The following TUSC3 variants were observed in gnomAD, a reference collection of about 807,000 sequenced individuals.
TUSC3 encodes the protein dolichyl-diphosphooligosaccharide--protein glycosyltransferase subunit TUSC3.
A neutral mutation model predicts 44.8 loss-of-function variants in TUSC3; 45 were observed. The ratio of observed to expected loss-of-function variants is 1.00; its 90% CI spans 0.79 to 1.29. The LOEUF (loss-of-function observed/expected upper bound fraction) is 1.29, where lower values mean the gene tolerates loss of function less well. TUSC3 is among the 50% of genes most tolerant of loss of function. TUSC3 has a pLI of 0.00. For missense variants in TUSC3, 519 were observed against 437.9 expected (o/e 1.19, Z -1.65); for synonymous variants, 212 against 152.9 (o/e 1.39, Z -2.85).
chr8:15,654,952 T>G (rs997423561), intron 3 of TUSC3, among the ~76,000 whole-genome samples: 1 of 152,198 alleles, frequency 6.6e-6, no homozygotes, highest in East Asian at 1.9e-4. Flanking sequence ...GGTAAATCAC[T>G]TTATTTTTAT....
chr8:15,781,422 A>T, the TUSC3 span, among the ~76,000 whole-genome samples: 1,302 of 152,290 alleles, frequency 8.5e-3, 23 homozygotes, highest in African/African-American at 0.03. Flanking sequence ...AGAGACCCAC[A>T]CTGAGATATA....
intron 2 of TUSC3, among the ~76,000 whole-genome samples, chr8:15,494,544 C>G (rs571457299): frequency 6.6e-6 from 1 of 152,266 alleles, no homozygotes; most frequent in East Asian, 1.9e-4. Flanking sequence ...GTCTCAATCT[C>G]TTGACGTCGT....
intron 1 of TUSC3, among the ~76,000 whole-genome samples, chr8:15,582,147 A>T (rs573139443): frequency 6.6e-6 from 1 of 152,192 alleles, no homozygotes; most frequent in African/African-American, 2.4e-5. Context: ...AAGTGAGGCA[A>T]TGCCTCGCCC....
At chr8:15,479,599 T>G (rs955837909) in intron 1 of TUSC3, among the ~76,000 whole-genome samples, 1 of 152,194 alleles carries the variant, frequency 6.6e-6, no homozygotes, top group Non-Finnish European at 1.5e-5. Context: ...GTTGTAGATA[T>G]GTGTTCTTAT....
intron 6 of TUSC3, among the ~76,000 whole-genome samples, chr8:15,682,468 T>G (rs558168487): frequency 1.6e-4 from 24 of 152,304 alleles, no homozygotes; most frequent in African/African-American, 5.8e-4. Flanking sequence ...CACTTTTATC[T>G]CGTGTAAGTA....
intron 4 of TUSC3, among the ~76,000 whole-genome samples, chr8:15,661,382 A>C (rs1439735872): frequency 6.6e-6 from 1 of 151,972 alleles, no homozygotes; most frequent in Non-Finnish European, 1.5e-5. Flanking sequence ...TTTCTCTTTA[A>C]AAACATTGAC....
At chr8:15,562,995 C>G (rs988870117) in intron 1 of TUSC3, among the ~76,000 whole-genome samples, 1 of 144,904 alleles carries the variant, frequency 6.9e-6, no homozygotes, top group Non-Finnish European at 1.5e-5. Flanking sequence ...TTGTCCATGC[C>G]CAGGGGAGGC....
intron 2 of TUSC3, among the ~76,000 whole-genome samples, chr8:15,504,603 ATATATATATATATATATAT>A (rs1336865744): frequency 0.012 from 457 of 38,490 alleles, 1 homozygote; most frequent in African/African-American, 0.027. Flanking sequence ...ATATATATAT[ATATATATATATATATATAT>A]TTTTTTTTTT....
At chr8:15,598,697 A>G (rs1237007974) in intron 1 of TUSC3, among the ~76,000 whole-genome samples, 1 of 151,856 alleles carries the variant, frequency 6.6e-6, no homozygotes, top group Non-Finnish European at 1.5e-5. Flanking sequence ...CATACAGTAT[A>G]TAGCCTTTTC....
chr8:15,536,776 T>C (rs1801529722), upstream of TUSC3, among the ~76,000 whole-genome samples: 2 of 134,350 alleles, frequency 1.5e-5, no homozygotes, highest in South Asian at 4.9e-4. Context: ...GTATGGGAGG[T>C]TGGTGAGATT....
chr8:15,825,473 A>G, the TUSC3 span, among the ~76,000 whole-genome samples: 10 of 152,092 alleles, frequency 6.6e-5, no homozygotes, highest in African/African-American at 1.9e-4. Flanking sequence ...ACCTGTCCCA[A>G]TGATTCAATT....
intron 6 of TUSC3, among the ~76,000 whole-genome samples, chr8:15,680,966 T>C (rs533670692): frequency 6.6e-6 from 1 of 152,268 alleles, no homozygotes; most frequent in African/African-American, 2.4e-5. Flanking sequence ...TTGAATGTGC[T>C]GTTGGATTCA....
chr8:15,751,387 A>G (rs751687), intron 9 of TUSC3, among the ~76,000 whole-genome samples: 60,499 of 152,034 alleles, frequency 0.4, 13,072 homozygotes, highest in Non-Finnish European at 0.5. Context: ...TCCTTCCACT[A>G]TTATTACTGA....
chr8:15,596,700 G>A (rs146712046), intron 1 of TUSC3, among the ~76,000 whole-genome samples: 1 of 152,060 alleles, frequency 6.6e-6, no homozygotes. Flanking sequence ...TTATAAAGAG[G>A]TGTTGAGAGT....
At chr8:15,565,194 C>A (rs1209254865) in intron 1 of TUSC3, among the ~76,000 whole-genome samples, 1 of 146,216 alleles carries the variant, frequency 6.8e-6, no homozygotes, top group Non-Finnish European at 1.5e-5. Context: ...TTTGCAGTTT[C>A]TAGAGGCTGC....
At chr8:15,726,825 AAAG>A (rs1367712063) in intron 6 of TUSC3, among the ~76,000 whole-genome samples, 5 of 152,164 alleles carry the variant, frequency 3.3e-5, no homozygotes, top group Admixed American at 6.6e-5. Context: ...AAGAAAAAGA[AAAG>A]AAATATTCAA....
At chr8:15,432,132 G>T (rs1799880062) in intron 1 of TUSC3, among the ~76,000 whole-genome samples, 1 of 151,978 alleles carries the variant, frequency 6.6e-6, no homozygotes, top group Non-Finnish European at 1.5e-5. Context: ...CATAAAATGA[G>T]TATGGAAGTG....
intron 2 of TUSC3, among the ~76,000 whole-genome samples, chr8:15,487,297 T>C (rs1314332694): frequency 1.3e-5 from 2 of 152,224 alleles, no homozygotes; most frequent in East Asian, 3.8e-4. Flanking sequence ...AGCTTCTGAG[T>C]ATCTTGAGAG....
intron 7 of TUSC3, among the ~76,000 whole-genome samples, chr8:15,731,636 A>G (rs1263734512): frequency 6.6e-6 from 1 of 152,138 alleles, no homozygotes; most frequent in Admixed American, 6.5e-5. Context: ...TTCATGGTCT[A>G]TCCTGTGTTC....
Sources: allele counts gnomAD v4.1 joint callset (sites outside exome capture counted in the v4.1 genomes callset), GRCh38; gene constraint gnomAD v4.1.1; transcripts MANE v1.5; gene names NCBI Gene and HGNC (gene_info 2026-07-23, HGNC 2026-07-21).